Variants in LRRK2 observed in about 807,000 individuals in gnomAD.
The protein encoded by LRRK2 is leucine rich repeat kinase 2.
In LRRK2, 203 loss-of-function variants were observed where a neutral mutation model predicts 302.6. The observed-to-expected ratio is 0.67, with a 90% CI of 0.60 to 0.75. The LOEUF (loss-of-function observed/expected upper bound fraction) is 0.75. LRRK2 is among the 30% of genes least tolerant of loss of function. LRRK2 has a pLI of 0.00. For synonymous variants in LRRK2, 1,066 were observed against 1,031.9 expected (o/e 1.03, Z -0.63); for missense variants, 2,830 against 2,951.0 (o/e 0.96, Z 0.95).
At position 40,271,125 on chromosome 12, in the gene LRRK2, G is replaced by A. The variant is rs76861715; in HGVS notation, c.1657-3458G>A. ...CATTATTTTAGCTCTCTTCTTTGGG[G>A]CTATCAGTCATATGATGTTGGATCT... On this transcript the variant is annotated intron_variant, in intron 14 of 50. Transcript: ENST00000298910. 6.2e-4 allele frequency among the ~76,000 whole-genome samples: 94 copies of A among 151,752 alleles called. No individual in the cohort carries two copies. In the East Asian group the frequency reaches 0.017, roughly 28 times the overall value.
intron 25 of LRRK2, among the ~76,000 whole-genome samples, chr12:40,301,950 G>T (rs189526827): frequency 6.6e-6 from 1 of 152,028 alleles, no homozygotes; most frequent in Non-Finnish European, 1.5e-5. Context: ...AGGCCGGGGC[G>T]GGCAGATCAC....
rs1942179397 is a variant in LRRK2 at position 40,249,947 on chromosome 12, T to C, written c.958+2T>C. 1 of 1,613,478 alleles carries C rather than the reference T, an allele frequency of 6.2e-7. No individual in the cohort carries two copies. Among genetic ancestry groups the C allele is most frequent in the African/African-American group, 1.3e-5 (1 of 74,904 alleles). ...CGCTCAGCTGTTTGGCCCTCCTCAG[T>C]AAGTAACTTCACTAAAAAGGGGATT... On this transcript the variant is annotated splice_donor_variant, in intron 8 of 50. Transcript: ENST00000298910. LOFTEE classifies it high-confidence loss of function.
intron 2 of LRRK2, among the ~76,000 whole-genome samples, chr12:40,229,262 T>C (rs570297002): frequency 6.6e-6 from 1 of 152,288 alleles, no homozygotes; most frequent in African/African-American, 2.4e-5. Flanking sequence ...AGAAAAACTC[T>C]TAATGATAAA....
At chr12:40,331,521 A>T (rs1945711067) in intron 39 of LRRK2, among the ~76,000 whole-genome samples, 1 of 152,074 alleles carries the variant, frequency 6.6e-6, no homozygotes, top group Admixed American at 6.6e-5. Context: ...CCTGGGCCGT[A>T]TTGGAAGAAG....
intron 14 of LRRK2, among the ~76,000 whole-genome samples, chr12:40,265,658 G>A (rs1219891542): frequency 6.6e-6 from 1 of 152,128 alleles, no homozygotes; most frequent in Non-Finnish European, 1.5e-5. Context: ...CCACCCAGGG[G>A]TGTGTGTTTT....
At chr12:40,246,899 C>T (rs950604921) in intron 7 of LRRK2, among the ~76,000 whole-genome samples, 1 of 152,064 alleles carries the variant, frequency 6.6e-6, no homozygotes, top group African/African-American at 2.4e-5. Context: ...CAACACACAC[C>T]TTGGAAATTT....
chr12:40,353,432 G>A (rs1946429247), intron 44 of LRRK2, among the ~76,000 whole-genome samples: 2 of 150,764 alleles, frequency 1.3e-5, no homozygotes, highest in African/African-American at 2.4e-5. Context: ...ATGGGCGGCC[G>A]GGCAGAGCCG....
intron 3 of LRRK2, among the ~76,000 whole-genome samples, chr12:40,234,785 A>G (rs916083698): frequency 6.6e-6 from 1 of 152,130 alleles, no homozygotes; most frequent in African/African-American, 2.4e-5. Flanking sequence ...CATCTTTATT[A>G]TATCTCTATA....
chr12:40,272,870 G>A lies in LRRK2; in HGVS notation c.1657-1713G>A, dbSNP rs565150001. On this transcript the variant is annotated intron_variant, in intron 14 of 50. Transcript: ENST00000298910. Reference sequence around the variant, plus strand: ...TAGGGTGACTGTGGAGGTAGTGGGAGTTGACTTTTCTGCTAATAAGTTTAG... The same window carrying A: ...TAGGGTGACTGTGGAGGTAGTGGGAATTGACTTTTCTGCTAATAAGTTTAG... Among the ~76,000 whole-genome samples the A allele has an allele frequency of 7.2e-5, 11 of 152,232 alleles. 1 individual carries two copies. Among genetic ancestry groups the A allele is most frequent in the African/African-American group, 2.6e-4 (11 of 41,546 alleles).
At chr12:40,287,909 G>A (rs1417233897) in intron 20 of LRRK2, among the ~76,000 whole-genome samples, 1 of 151,844 alleles carries the variant, frequency 6.6e-6, no homozygotes, top group African/African-American at 2.4e-5. Context: ...TAGAAAAAAT[G>A]TATGTAAAAT....
intron 20 of LRRK2, among the ~76,000 whole-genome samples, chr12:40,290,354 A>G (rs577536935): frequency 2.6e-4 from 40 of 152,074 alleles, no homozygotes; most frequent in African/African-American, 9.4e-4. Context: ...TCTGTGAGAG[A>G]TATTAGTCTG....
At chr12:40,284,258 TG>T in intron 19 of LRRK2, 125 bp downstream of exon 19, 1 of 776,608 alleles carries the variant, frequency 1.3e-6, no homozygotes, top group Non-Finnish European at 1.9e-6. Context: ...TGCAAAGGTT[TG>T]GATTTTTTTT....
intron 11 of LRRK2, among the ~76,000 whole-genome samples, chr12:40,255,820 G>A (rs1471891846): frequency 2.6e-5 from 4 of 152,166 alleles, no homozygotes; most frequent in Non-Finnish European, 4.4e-5. Context: ...ATGTGATCAA[G>A]CAAAGTAACC....
chr12:40,283,680 A>T (rs567122225), intron 18 of LRRK2, among the ~76,000 whole-genome samples, 195 bp from the exon 19 acceptor site: 1 of 152,316 alleles, frequency 6.6e-6, no homozygotes, highest in Admixed American at 6.5e-5. Context: ...CAGATTATTC[A>T]TGCTATTCTG....
At chr12:40,292,251 G>A (rs1186943190) in intron 20 of LRRK2, among the ~76,000 whole-genome samples, 1 of 151,796 alleles carries the variant, frequency 6.6e-6, no homozygotes, top group Admixed American at 6.6e-5. Flanking sequence ...CCTTCTTTCG[G>A]GTATTACATA....
At chr12:40,319,577 T>TCCTCTCCACTTC (rs1454575210) in intron 33 of LRRK2, among the ~76,000 whole-genome samples, 1 of 152,076 alleles carries the variant, frequency 6.6e-6, no homozygotes, top group Non-Finnish European at 1.5e-5. Flanking sequence ...CCTCTCCTAG[T>TCCTCTCCACTTC]ATATAAATGT....
At chr12:40,303,871 GA>G in intron 26 of LRRK2, 76 bp from the exon 27 acceptor site, 2 of 1,408,524 alleles carry the variant, frequency 1.4e-6, no homozygotes, top group Non-Finnish European at 2.0e-6. Context: ...TCACCCTGGG[GA>G]AAATTATTTG....
chr12:40,366,972 T>C (rs1181765435), intron 49 of LRRK2, 34 bp from the exon 50 acceptor site: 13 of 1,546,172 alleles, frequency 8.4e-6, no homozygotes, highest in Admixed American at 1.7e-5. Context: ...TATATAGTTT[T>C]AACAGAAAAC....
chr12:40,351,648 A>T lies in LRRK2; in HGVS notation c.6491A>T (p.Asn2164Ile). 1 of 1,614,216 alleles carries T rather than the reference A, an allele frequency of 6.2e-7. No individual in the cohort carries two copies. The highest frequency in any genetic ancestry group is 2.2e-5 in the East Asian group (1 of 44,884). ...CMVATHHNSR[N>I]ASIWLGCGHT... ...GTTGCTACACATCACAACAGCAGGA[A>T]TGCAAGCATTTGGCTGGGCTGTGGG... The change falls in exon 44 of 51, where the codon AAT becomes ATT. Residue 2164 changes from asparagine to isoleucine, a missense_variant. Transcript: ENST00000298910.
Sources: gnomAD v4.1 joint callset for allele counts (sites outside exome capture counted in the v4.1 genomes callset) on GRCh38, gnomAD v4.1.1 for gene constraint, MANE v1.5 for transcripts, NCBI Gene and HGNC (gene_info 2026-07-23, HGNC 2026-07-21) for gene names.